The following DLG2 variants were observed in gnomAD, a reference collection of about 807,000 sequenced individuals.
The protein encoded by DLG2 is disks large homolog 2.
Under a neutral mutation model 132.5 loss-of-function variants are expected in DLG2, and 45 were observed. The ratio of observed to expected loss-of-function variants is 0.34; its 90% confidence interval spans 0.27 to 0.44. The LOEUF (loss-of-function observed/expected upper bound fraction) is 0.44, where lower values mean the gene tolerates loss of function less well. DLG2 is among the 20% of genes least tolerant of loss of function. DLG2 has a pLI of 1.00. For synonymous variants in DLG2, 424 were observed against 419.6 expected (o/e 1.01, Z -0.13); for missense variants, 1,045 against 1,196.9 (o/e 0.87, Z 1.87).
intron 3 of DLG2, among the ~76,000 whole-genome samples, chr11:85,496,069 C>T (rs2093661956): frequency 6.6e-6 from 1 of 152,142 alleles, no homozygotes; most frequent in South Asian, 2.1e-4. Flanking sequence ...GTGCAGCCCA[C>T]AGAGGGCGAG....
At chr11:85,609,043 G>T (rs2080798768) in intron 2 of DLG2, among the ~76,000 whole-genome samples, 1 of 152,158 alleles carries the variant, frequency 6.6e-6, no homozygotes, top group Admixed American at 6.5e-5. Flanking sequence ...CCCTGACTCA[G>T]ATCATGGGGA....
chr11:84,789,099 T>C (rs1483799509), intron 6 of DLG2, among the ~76,000 whole-genome samples: 1 of 152,150 alleles, frequency 6.6e-6, no homozygotes. Context: ...TGCAAATCAA[T>C]TTTCTATGCC....
chr11:85,117,154 C>A (rs191360314), intron 5 of DLG2, among the ~76,000 whole-genome samples: 2 of 152,114 alleles, frequency 1.3e-5, no homozygotes, highest in East Asian at 3.9e-4. Flanking sequence ...CAAGACAACC[C>A]TCCATATAGG....
chr11:84,317,142 T>G (rs1212161087), intron 7 of DLG2: 1 of 1,611,052 alleles, frequency 6.2e-7, no homozygotes, highest in South Asian at 1.1e-5. Context: ...AGGTATGCAT[T>G]CATACTGCAC....
chr11:85,553,454 T>C (rs2076774346), intron 3 of DLG2, among the ~76,000 whole-genome samples: 1 of 151,552 alleles, frequency 6.6e-6, no homozygotes, highest in South Asian at 2.1e-4. Context: ...CTTTTTTTTT[T>C]TGGAGGTACA....
rs985757016 is a variant in DLG2 at position 83,752,999 on chromosome 11, G to T, written c.1825+33691C>A. ...TTTAAGGTAAGAGGAGAAATAAAAA[G>T]TAGTCCTTGAGGGGACAGTGAATTT... is the stretch of plus-strand genomic sequence containing the variant. On this transcript the variant is annotated intron_variant, in intron 18 of 27. Coordinates refer to ENST00000376104, the MANE Select transcript of DLG2 (RefSeq NM_001142699.3). Among the ~76,000 whole-genome samples, 7 of 152,218 alleles carry T rather than the reference G, an allele frequency of 4.6e-5. No homozygotes were observed. The South Asian group carries it at 8.3e-4, about 18-fold the overall frequency.
intron 19 of DLG2, among the ~76,000 whole-genome samples, chr11:83,580,952 C>T (rs1301852630): frequency 7.1e-6 from 1 of 141,796 alleles, no homozygotes; most frequent in African/African-American, 2.6e-5. Flanking sequence ...TTTCTCCATT[C>T]CTCCCTACAT....
At chr11:83,699,548 A>G (rs1346848042) in intron 18 of DLG2, among the ~76,000 whole-genome samples, 4 of 150,084 alleles carry the variant, frequency 2.7e-5, no homozygotes, top group Non-Finnish European at 5.9e-5. Context: ...TACAAAAGAA[A>G]AAAAAAAAAA....
At chr11:83,555,823 T>A (rs1446718162) in intron 19 of DLG2, among the ~76,000 whole-genome samples, 1 of 152,092 alleles carries the variant, frequency 6.6e-6, no homozygotes, top group African/African-American at 2.4e-5. Flanking sequence ...ATGAAGAAAA[T>A]CTTCTCTTCT....
At chr11:84,616,026 TA>T (rs1339148378) in intron 6 of DLG2, among the ~76,000 whole-genome samples, 1 of 151,952 alleles carries the variant, frequency 6.6e-6, no homozygotes, top group Non-Finnish European at 1.5e-5. Context: ...AGCAAAGGAA[TA>T]TCTTATTACA....
chr11:85,067,446 A>C (rs550320211), intron 6 of DLG2, among the ~76,000 whole-genome samples: 1 of 151,736 alleles, frequency 6.6e-6, no homozygotes, highest in Non-Finnish European at 1.5e-5. Context: ...TAGGGCGTCA[A>C]TTTTAGATCT....
chr11:84,946,525 A>T (rs1276335429), intron 6 of DLG2, among the ~76,000 whole-genome samples: 1 of 152,020 alleles, frequency 6.6e-6, no homozygotes, highest in African/African-American at 2.4e-5. Flanking sequence ...TAGATCCTGA[A>T]ATAGGGGCTT....
intron 6 of DLG2, among the ~76,000 whole-genome samples, chr11:84,900,516 C>A (rs942231972): frequency 1.3e-5 from 2 of 151,996 alleles, no homozygotes; most frequent in South Asian, 2.1e-4. Flanking sequence ...CTTCAGCATA[C>A]TTTAACAATG....
At chr11:83,911,090 G>GA (rs1013120016) in intron 15 of DLG2, among the ~76,000 whole-genome samples, 78 of 152,018 alleles carry the variant, frequency 5.1e-4, no homozygotes, top group Non-Finnish European at 7.2e-4. Context: ...AAGTGCTCAA[G>GA]AAAAAAAGTG....
chr11:84,006,691 T>A (rs2094588427), intron 11 of DLG2, among the ~76,000 whole-genome samples: 1 of 151,584 alleles, frequency 6.6e-6, no homozygotes, highest in Non-Finnish European at 1.5e-5. Flanking sequence ...GCAAATTATA[T>A]TCTGTGTCAT....
rs559583537 is a variant in DLG2, at chr11:85,549,674, A to G, written c.40+48983T>C. On this transcript the variant is annotated intron_variant, in intron 3 of 27. Coordinates refer to ENST00000376104, the MANE Select transcript of DLG2 (RefSeq NM_001142699.3). ...GATGAGATAGGTCAGCACAAGATACAGGTTACAAAGACCTTGCTGATAAAA... is the reference window on the plus strand; with the variant it reads ...GATGAGATAGGTCAGCACAAGATACGGGTTACAAAGACCTTGCTGATAAAA... Among the ~76,000 whole-genome samples the G allele has an allele frequency of 4.6e-5, 7 of 152,324 alleles. No individual in the cohort carries two copies. In the East Asian group the frequency reaches 1.4e-3, roughly 29 times the overall value.
chr11:84,847,984 A>G (rs1185421820), intron 6 of DLG2, among the ~76,000 whole-genome samples: 1 of 152,164 alleles, frequency 6.6e-6, no homozygotes, highest in East Asian at 1.9e-4. Flanking sequence ...CTAGAGACAG[A>G]AAGAAGATGA....
chr11:84,857,863 T>C (rs2082997711), intron 6 of DLG2, among the ~76,000 whole-genome samples: 1 of 152,072 alleles, frequency 6.6e-6, no homozygotes. Context: ...AAATATGCTG[T>C]TATTCACCCA....
At chr11:85,618,801 T>A (rs1368716101) in intron 2 of DLG2, among the ~76,000 whole-genome samples, 1 of 152,210 alleles carries the variant, frequency 6.6e-6, no homozygotes, top group East Asian at 1.9e-4. Context: ...GTTTTGTGCA[T>A]ACCTCACTGA....
Sources: allele counts gnomAD v4.1 joint callset (sites outside exome capture counted in the v4.1 genomes callset), GRCh38; gene constraint gnomAD v4.1.1; transcripts MANE v1.5; gene names NCBI Gene and HGNC (gene_info 2026-07-23, HGNC 2026-07-21).